Variants in UPK3A observed in about 807,000 individuals in gnomAD.
UPK3A encodes uroplakin 3A.
UPK3A carries 32 observed loss-of-function variants against 27.6 expected under a neutral mutation model. The observed-to-expected ratio is 1.16, with a 90% confidence interval of 0.87 to 1.55. The LOEUF (loss-of-function observed/expected upper bound fraction) is 1.55. Among genes scored for constraint, UPK3A ranks in the 40% most tolerant of loss-of-function variants. UPK3A has a pLI of 0.00. For synonymous variants in UPK3A, 171 were observed against 163.9 expected, an observed-to-expected ratio of 1.04 and a Z score of -0.33; for missense variants, 370 against 367.9, an observed-to-expected ratio of 1.01 and a Z score of -0.05.
At chr22:45,285,388 A>G (rs2084110472) in intron 1 of UPK3A, among the ~76,000 whole-genome samples, 1 of 152,148 alleles carries the variant, frequency 6.6e-6, no homozygotes, top group East Asian at 1.9e-4. Context: ...CAGCATGGGC[A>G]AGTTCATGGA....
Position 45,291,887 on chromosome 22 carries a change from G to T in UPK3A, c.572-1294G>T, listed in dbSNP as rs868399834. The stretch of plus-strand genomic sequence containing the variant: ...TGTGTGGTGTGTGAGAGTGTGGCAG[G>T]GCGTGTGAGTTGGTATGTGTGGTGT... On this transcript the variant is annotated intron_variant, in intron 4 of 5. Transcript: ENST00000216211. 1.4e-3 allele frequency among the ~76,000 whole-genome samples: 188 copies of T among 132,604 alleles called. 1 individual carries two copies. Among genetic ancestry groups the T allele is most frequent in the African/African-American group, 5.2e-3 (178 of 34,426 alleles). 87.0% of individuals were successfully genotyped at this position (132,604 alleles called of 152,430 possible).
chr22:45,293,056 C>A, intron 4 of UPK3A, 125 bp from the exon 5 acceptor site: 1 of 1,414,624 alleles, frequency 7.1e-7, no homozygotes, highest in Non-Finnish European at 9.7e-7. Context: ...GAAGTCGCCC[C>A]ACTGGGTCCC....
At chr22:45,285,165 C>A in intron 1 of UPK3A, 100 bp downstream of exon 1, 2 of 1,129,410 alleles carry the variant, frequency 1.8e-6, no homozygotes, top group Non-Finnish European at 2.5e-6. Context: ...CGCTGGGGAC[C>A]CAGATATTAC....
intron 2 of UPK3A, 46 bp from the exon 3 acceptor site, chr22:45,287,126 T>C: frequency 6.2e-7 from 1 of 1,612,280 alleles, no homozygotes; most frequent in Non-Finnish European, 8.5e-7. Context: ...TGAGTGTCGC[T>C]GAGCCGGAGT....
chr22:45,286,750 A>G (rs1486699361), intron 2 of UPK3A, among the ~76,000 whole-genome samples: 2 of 152,186 alleles, frequency 1.3e-5, no homozygotes, highest in South Asian at 2.1e-4. Context: ...CCCATTTCAT[A>G]GAAGACTAGG....
intron 4 of UPK3A, among the ~76,000 whole-genome samples, chr22:45,290,951 C>A (rs370224975): frequency 6.6e-6 from 1 of 152,272 alleles, no homozygotes; most frequent in East Asian, 1.9e-4. Context: ...CGTCTACTTG[C>A]AGGAAAACAA....
intron 5 of UPK3A, among the ~76,000 whole-genome samples, chr22:45,293,788 C>T (rs1174753612): frequency 6.6e-6 from 1 of 152,144 alleles, no homozygotes; most frequent in Non-Finnish European, 1.5e-5. Context: ...CACCTACTTG[C>T]AGTACAGAGG....
chr22:45,288,717 T>G (rs550481870), intron 3 of UPK3A, among the ~76,000 whole-genome samples: 1 of 152,328 alleles, frequency 6.6e-6, no homozygotes, highest in East Asian at 1.9e-4. Flanking sequence ...GGAAGACAGA[T>G]GCATTAGTGC....
intron 4 of UPK3A, 79 bp from the exon 5 acceptor site, chr22:45,293,102 G>T: frequency 1.9e-6 from 3 of 1,591,554 alleles, no homozygotes; most frequent in South Asian, 2.2e-5. Context: ...CCAGGGCGGG[G>T]GAGACACCCG....
At position 45,286,062 on chromosome 22, in the gene UPK3A, C is replaced by A. The variant is rs770411469; in HGVS notation, c.174C>A (p.Thr58=). The A allele has an allele frequency of 1.9e-6, 3 of 1,614,046 alleles. No homozygotes were observed. The highest frequency in any genetic ancestry group is 2.7e-5 in the African/African-American group (2 of 74,906). The change falls in exon 2 of 6, where the codon ACC becomes ACA. Residue 58 remains threonine (T), a synonymous_variant. Coordinates refer to ENST00000216211, the MANE Select transcript of UPK3A (RefSeq NM_006953.4). ...MFDSKEALTG[T]HEVYLYVLVD... is the part of the protein sequence containing the mutation. The stretch of plus-strand genomic sequence containing the variant: ...ACAGCAAAGAGGCCCTCACTGGCAC[C>A]CACGAGGTCTACCTGTATGTCCTGG...
At chr22:45,290,942 G>A (rs892451934) in intron 4 of UPK3A, among the ~76,000 whole-genome samples, 4 of 152,164 alleles carry the variant, frequency 2.6e-5, no homozygotes, top group Non-Finnish European at 4.4e-5. Context: ...AGATGGGACC[G>A]TCTACTTGCA....
intron 4 of UPK3A, among the ~76,000 whole-genome samples, chr22:45,289,561 G>C (rs554924764): frequency 2.6e-4 from 36 of 140,048 alleles, no homozygotes; most frequent in Non-Finnish European, 1.7e-4. Flanking sequence ...CTGGGCGACA[G>C]AGTGAGACTC....
chr22:45,291,948 G>A (rs2084164942), intron 4 of UPK3A, among the ~76,000 whole-genome samples: 1 of 151,832 alleles, frequency 6.6e-6, no homozygotes, highest in African/African-American at 2.4e-5. Context: ...GTGTCAGTTG[G>A]TATGTGTGGT....
chr22:45,290,969 G>T (rs541020927), intron 4 of UPK3A, among the ~76,000 whole-genome samples: 1 of 152,102 alleles, frequency 6.6e-6, no homozygotes. Flanking sequence ...CAAGCTCAGG[G>T]CTCCCACTGA....
intron 1 of UPK3A, among the ~76,000 whole-genome samples, 158 bp from the exon 2 acceptor site, chr22:45,285,783 G>A (rs145599992): frequency 1.1e-3 from 174 of 152,278 alleles, no homozygotes; most frequent in African/African-American, 4.1e-3. Flanking sequence ...TGAGCAGGAT[G>A]ACTGGGCAGG....
chr22:45,285,616 C>A (rs1381596721), intron 1 of UPK3A, among the ~76,000 whole-genome samples: 1 of 85,488 alleles, frequency 1.2e-5, no homozygotes, highest in Non-Finnish European at 3.2e-5. Context: ...GGCAGTCAGA[C>A]TTGCATGTGG....
At chr22:45,289,890 G>A (rs561989805) in intron 4 of UPK3A, among the ~76,000 whole-genome samples, 71 of 152,266 alleles carry the variant, frequency 4.7e-4, no homozygotes, top group Middle Eastern at 3.4e-3. Context: ...GATCAAAGCC[G>A]GCCCATTCCT....
At chr22:45,294,692 G>A (rs1421457513) in intron 5 of UPK3A, among the ~76,000 whole-genome samples, 7 of 152,056 alleles carry the variant, frequency 4.6e-5, no homozygotes, top group Admixed American at 4.6e-4. Context: ...TGGCACTGAA[G>A]ACCCTGCTAT....
In UPK3A at chr22:45,294,416, C is replaced by CG. The variant is rs572990255; in HGVS notation, c.704+1103_704+1104insG. On this transcript the variant is annotated intron_variant, in intron 5 of 5. Transcript: ENST00000216211. ...CCATCCCTGCTAACCCTGGTACACC[C>CG]CCCCCGGGAGACCTCGAGTCCTCAT... Among the ~76,000 whole-genome samples, 8 of 151,444 alleles carry CG rather than the reference C, an allele frequency of 5.3e-5. No homozygotes were observed. In the South Asian group the frequency reaches 1.2e-3, roughly 24 times the overall value.
Sources: gnomAD v4.1 joint callset for allele counts (sites outside exome capture counted in the v4.1 genomes callset) on GRCh38, gnomAD v4.1.1 for gene constraint, MANE v1.5 for transcripts, NCBI Gene and HGNC (gene_info 2026-07-23, HGNC 2026-07-21) for gene names.